The following NFATC2 variants were observed in gnomAD, a reference collection of about 807,000 sequenced individuals.
The protein encoded by NFATC2 is nuclear factor of activated T-cells, cytoplasmic 2.
A neutral mutation model predicts 87.3 loss-of-function variants in NFATC2; 22 were observed. That is an observed-to-expected ratio of 0.25 (90% CI 0.18 to 0.36). The LOEUF (loss-of-function observed/expected upper bound fraction) is 0.36. NFATC2 is among the 10% of genes least tolerant of loss of function. The pLI is 1.00. For synonymous variants in NFATC2, 565 were observed against 542.2 expected, an observed-to-expected ratio of 1.04 and a Z score of -0.58; for missense variants, 1,149 against 1,259.1, an observed-to-expected ratio of 0.91 and a Z score of 1.32.
chr20:51,554,840 T>C (rs2076964054), intron 1 of NFATC2, among the ~76,000 whole-genome samples: 1 of 152,162 alleles, frequency 6.6e-6, no homozygotes, highest in Non-Finnish European at 1.5e-5. Flanking sequence ...CAGAAAAGTC[T>C]TCATGACTGC....
Position 51,523,805 on chromosome 20 carries a change from C to T in NFATC2, c.436G>A (p.Ala146Thr), listed in dbSNP as rs375974468. Residue 146 changes from alanine to threonine, a missense_variant, in exon 2 of 11, where the codon GCC becomes ACC. Physicochemically the swap from Ala to Thr is moderately conservative, Grantham distance 58. Coordinates refer to ENST00000371564, the MANE Select transcript of NFATC2 (RefSeq NM_012340.5). The surrounding 1 kb of genome is among the most constrained non-coding windows in gnomAD (Gnocchi z 6.9). ...LVEQPPLAGV[A>T]ASPRFTLPVP... ...GGCAGGGTGAACCTCGGGCTGGCGG[C>T]CACCCCGGCCAGGGGCGGCTGCTCC... 230 of 1,608,952 alleles carry T rather than the reference C, an allele frequency of 1.4e-4. No individual in the cohort carries two copies. The highest frequency in any genetic ancestry group is 1.9e-4 in the Non-Finnish European group (226 of 1,177,706).
intron 6 of NFATC2, among the ~76,000 whole-genome samples, chr20:51,446,858 G>C (rs1985126957): frequency 6.6e-6 from 1 of 152,214 alleles, no homozygotes; most frequent in African/African-American, 2.4e-5. Flanking sequence ...GAGTCACAGA[G>C]GGCAAAGGTC....
intron 2 of NFATC2, among the ~76,000 whole-genome samples, chr20:51,518,101 C>T (rs192591476): frequency 3.1e-4 from 47 of 152,264 alleles, no homozygotes; most frequent in Non-Finnish European, 4.6e-4. Context: ...TTCCTCTTTG[C>T]TTTCTCTTCC....
chr20:51,503,138 T>A (rs1184855027), intron 3 of NFATC2, among the ~76,000 whole-genome samples: 1 of 152,142 alleles, frequency 6.6e-6, no homozygotes, highest in Non-Finnish European at 1.5e-5. Context: ...CCAATGGCAC[T>A]GGGGCTTAGG....
At chr20:51,420,352 C>T (rs1033586890) in intron 9 of NFATC2, among the ~76,000 whole-genome samples, 2 of 152,124 alleles carry the variant, frequency 1.3e-5, no homozygotes, top group African/African-American at 4.8e-5. Context: ...GTGTCATCAC[C>T]CATGAAGCAA....
At chr20:51,552,509 GC>G (rs2146834028) in intron 1 of NFATC2, among the ~76,000 whole-genome samples, 1 of 152,242 alleles carries the variant, frequency 6.6e-6, no homozygotes, top group South Asian at 2.1e-4. Flanking sequence ...GTCTTTTAAA[GC>G]CCGAAGAGGA....
chr20:51,540,647 G>GTTT (rs375172598), intron 1 of NFATC2, among the ~76,000 whole-genome samples: 19,213 of 112,596 alleles, frequency 0.17, 2,276 homozygotes, highest in East Asian at 0.39. Flanking sequence ...AAAAACTGAA[G>GTTT]TTTTTTTTTT....
At chr20:51,556,198 T>A (rs1459415961) in intron 1 of NFATC2, among the ~76,000 whole-genome samples, 1 of 152,174 alleles carries the variant, frequency 6.6e-6, no homozygotes, top group Non-Finnish European at 1.5e-5. Flanking sequence ...TCCTAGAGCC[T>A]TCAGGGAGAG....
At chr20:51,457,452 C>T (rs1986672351) in intron 5 of NFATC2, among the ~76,000 whole-genome samples, 1 of 152,236 alleles carries the variant, frequency 6.6e-6, no homozygotes, top group Non-Finnish European at 1.5e-5. Context: ...AATCACTGCA[C>T]GCTGCTGTGA....
intron 6 of NFATC2, among the ~76,000 whole-genome samples, chr20:51,445,728 C>A (rs528178305): frequency 6.6e-6 from 1 of 152,218 alleles, no homozygotes; most frequent in Non-Finnish European, 1.5e-5. Context: ...TGTCCACTCC[C>A]AAGGGCAGGG....
At chr20:51,528,784 G>T (rs2076586689) in intron 1 of NFATC2, among the ~76,000 whole-genome samples, 1 of 152,218 alleles carries the variant, frequency 6.6e-6, no homozygotes, top group African/African-American at 2.4e-5. Context: ...AGGAAATGAA[G>T]AGTGCAGTCC....
chr20:51,433,757 GCA>G (rs1491092220), intron 8 of NFATC2, among the ~76,000 whole-genome samples: 3 of 96,356 alleles, frequency 3.1e-5, no homozygotes, highest in African/African-American at 1.3e-4. Context: ...GTTCATGCAT[GCA>G]TGTGTGTGTG....
Position 51,523,282 on chromosome 20 carries a change from G to C in NFATC2, c.959C>G (p.Pro320Arg), listed in dbSNP as rs757996175. Reference protein sequence around the residue: ...LATDSPCGIPPKMWKTSPDPS... With the variant: ...LATDSPCGIPRKMWKTSPDPS... ...GTCAGGGCTGGTCTTCCACATCTTG[G>C]GGGGGATCCCACAAGGCGAGTCCGT... The change falls in exon 2 of 11, where the codon CCC becomes CGC. Residue 320 changes from proline (P) to arginine (R), a missense_variant. Transcript: ENST00000371564. The surrounding 1 kb of genome is among the most constrained non-coding windows in gnomAD (Gnocchi z 6.9). The C allele has an allele frequency of 2.1e-5, 34 of 1,613,864 alleles. No homozygotes were observed. The highest frequency in any genetic ancestry group is 8.9e-5 in the East Asian group (4 of 44,860).
chr20:51,552,055 G>A (rs1454152756), intron 1 of NFATC2, among the ~76,000 whole-genome samples: 2 of 151,300 alleles, frequency 1.3e-5, no homozygotes, highest in Non-Finnish European at 2.9e-5. Flanking sequence ...ATTAAAATAT[G>A]GTTCATCCTG....
At chr20:51,542,858 CGGGA>C (rs1365665755), upstream of NFATC2, 356 of 423,220 alleles carry the variant, frequency 8.4e-4, 3 homozygotes, top group African/African-American at 7.4e-3. Flanking sequence ...TGGCCGGTGC[CGGGA>C]GGAAGGAGGC....
intron 1 of NFATC2, among the ~76,000 whole-genome samples, chr20:51,553,592 A>G (rs1283659125): frequency 2.7e-5 from 4 of 149,674 alleles, no homozygotes; most frequent in Admixed American, 6.8e-5. Context: ...GGAGAATGGC[A>G]TGAACCTGGA....
chr20:51,504,505 C>T (rs998782806), intron 3 of NFATC2, among the ~76,000 whole-genome samples: 17 of 152,232 alleles, frequency 1.1e-4, no homozygotes, highest in African/African-American at 4.1e-4. Context: ...AAAATTATCT[C>T]AAGGTCGTTA....
intron 9 of NFATC2, among the ~76,000 whole-genome samples, chr20:51,420,839 CT>C (rs563643167): frequency 1.1e-3 from 174 of 152,078 alleles, no homozygotes; most frequent in Non-Finnish European, 2.0e-3. Flanking sequence ...TTTCAGAGTC[CT>C]TTTTTTAGAG....
chr20:51,546,840 T>C (rs1184058843), upstream of NFATC2, among the ~76,000 whole-genome samples: 1 of 152,146 alleles, frequency 6.6e-6, no homozygotes, highest in Non-Finnish European at 1.5e-5. Context: ...AAGCTGGGAC[T>C]GGAAGGTTGG....
Sources: allele counts gnomAD v4.1 joint callset (sites outside exome capture counted in the v4.1 genomes callset), GRCh38; gene constraint gnomAD v4.1.1; non-coding constraint Gnocchi (gnomAD v3.1); transcripts MANE v1.5; gene names NCBI Gene and HGNC (gene_info 2026-07-23, HGNC 2026-07-21).